Variants in CDIN1 observed in about 807,000 individuals in gnomAD.
The protein encoded by CDIN1 is CDAN1-interacting nuclease 1.
A neutral mutation model predicts 45.3 loss-of-function variants in CDIN1; 33 were observed. That is an observed-to-expected ratio of 0.73 (90% CI 0.55 to 0.97). The LOEUF (loss-of-function observed/expected upper bound fraction) is 0.97. Among genes scored for constraint, CDIN1 ranks in the 50% least tolerant of loss-of-function variants. CDIN1 has a pLI of 0.00. For synonymous variants in CDIN1, 118 were observed against 124.4 expected (o/e 0.95, Z 0.34); for missense variants, 303 against 339.4 (o/e 0.89, Z 0.84).
chr15:36,755,650 C>CTATTTTCTCTATTT (rs1265716689), intron 10 of CDIN1, among the ~76,000 whole-genome samples: 1 of 150,782 alleles, frequency 6.6e-6, no homozygotes, highest in Non-Finnish European at 1.5e-5. Flanking sequence ...ATTAGGGAGA[C>CTATTTTCTCTATTT]CTGTCCTATT....
intron 10 of CDIN1, among the ~76,000 whole-genome samples, chr15:36,776,425 G>C (rs961441000): frequency 6.6e-6 from 1 of 151,834 alleles, no homozygotes; most frequent in Non-Finnish European, 1.5e-5. Flanking sequence ...ATCAGGTGGA[G>C]AGAACACTCC....
rs537696995 is a variant in CDIN1, at chr15:36,744,611, A to AT, written c.716+34658dup. ...AATAAACAAGGAAATGAATGAATACATTTTTTTTCAAATCATGATAACATG... is the reference window on the plus strand; with the variant it reads ...AATAAACAAGGAAATGAATGAATACATTTTTTTTTCAAATCATGATAACATG... On this transcript the variant is annotated intron_variant, in intron 10 of 10. Coordinates refer to ENST00000566621, the MANE Select transcript of CDIN1 (RefSeq NM_001321759.2). 5.9e-5 allele frequency among the ~76,000 whole-genome samples: 9 copies of AT among 152,084 alleles called. No individual in the cohort carries two copies. In the South Asian group the frequency reaches 1.5e-3, roughly 25 times the overall value.
chr15:36,618,941 A>G (rs2039025851), intron 1 of CDIN1: 3 of 1,549,908 alleles, frequency 1.9e-6, no homozygotes, highest in Non-Finnish European at 2.6e-6. Context: ...GAACCCTGAA[A>G]GTTAAGTTAT....
At chr15:36,628,411 G>C (rs2039540760) in intron 1 of CDIN1, among the ~76,000 whole-genome samples, 1 of 152,048 alleles carries the variant, frequency 6.6e-6, no homozygotes, top group Admixed American at 6.5e-5. Flanking sequence ...TCCTTTATAT[G>C]GATGTATCAC....
intron 2 of CDIN1, 35 bp downstream of exon 2, chr15:36,644,358 T>C (rs1226144360): frequency 1.3e-6 from 2 of 1,590,754 alleles, no homozygotes; most frequent in Admixed American, 3.5e-5. Context: ...GGTTGACAGG[T>C]GCCTAATTGA....
chr15:36,667,318 G>A (rs2041284805), intron 5 of CDIN1, among the ~76,000 whole-genome samples: 1 of 152,160 alleles, frequency 6.6e-6, no homozygotes, highest in Non-Finnish European at 1.5e-5. Flanking sequence ...AGCACTATAT[G>A]TCTTTGTAAA....
At chr15:36,805,944 T>C (rs1336686150) in intron 10 of CDIN1, among the ~76,000 whole-genome samples, 1 of 152,222 alleles carries the variant, frequency 6.6e-6, no homozygotes, top group Non-Finnish European at 1.5e-5. Context: ...ACATTGTGTT[T>C]CCTCATTCTT....
rs575077291 is a variant in CDIN1 at position 36,625,267 on chromosome 15, C to T, written c.102-19011C>T. ...CTGCACTCCAGCCTGGACGACAGAG[C>T]GAGACCCTGTCTCAAAAAAAAAAAA... On this transcript the variant is annotated intron_variant, in intron 1 of 10. Coordinates refer to ENST00000566621, the MANE Select transcript of CDIN1 (RefSeq NM_001321759.2). 5.9e-3 allele frequency among the ~76,000 whole-genome samples: 882 copies of T among 149,760 alleles called. 5 individuals are homozygous for T. Among genetic ancestry groups the T allele is most frequent in the Non-Finnish European group, 9.4e-3 (636 of 67,644 alleles).
chr15:36,751,569 T>C (rs2053472286), intron 10 of CDIN1, among the ~76,000 whole-genome samples: 1 of 151,924 alleles, frequency 6.6e-6, no homozygotes, highest in Non-Finnish European at 1.5e-5. Context: ...GCAACCATTG[T>C]GGAAGACAGT....
chr15:36,600,559 T>C (rs1190782027), intron 1 of CDIN1, among the ~76,000 whole-genome samples: 1 of 152,250 alleles, frequency 6.6e-6, no homozygotes, highest in Non-Finnish European at 1.5e-5. Flanking sequence ...TTGTGGCATG[T>C]GTCATTGATA....
chr15:36,617,028 C>T (rs760181090), intron 1 of CDIN1: 71 of 735,680 alleles, frequency 9.7e-5, no homozygotes, highest in Admixed American at 3.0e-4. Context: ...TGTTGGGGCA[C>T]GGGCCTGTGA....
intron 1 of CDIN1, chr15:36,619,163 GA>G: frequency 1.7e-6 from 2 of 1,203,244 alleles, no homozygotes; most frequent in Admixed American, 2.0e-5. Flanking sequence ...GGAGCAGCTG[GA>G]AAAATCAGGG....
At chr15:36,776,488 G>A (rs1328010850) in intron 10 of CDIN1, among the ~76,000 whole-genome samples, 1 of 152,002 alleles carries the variant, frequency 6.6e-6, no homozygotes, top group Non-Finnish European at 1.5e-5. Context: ...CAGAATCCTT[G>A]TTCTATGCCA....
At chr15:36,641,116 C>T (rs1480559702) in intron 1 of CDIN1, 1 of 152,190 alleles carries the variant, frequency 6.6e-6, no homozygotes, top group East Asian at 1.9e-4. Flanking sequence ...CCATCTTGTA[C>T]ATGTGCCACC....
At chr15:36,670,045 G>A (rs2041390424) in intron 5 of CDIN1, among the ~76,000 whole-genome samples, 1 of 151,998 alleles carries the variant, frequency 6.6e-6, no homozygotes, top group South Asian at 2.1e-4. Context: ...GAGGAGTGTG[G>A]AGAGATATTA....
intron 10 of CDIN1, among the ~76,000 whole-genome samples, chr15:36,760,179 TGGGTATTTAGGA>T: frequency 6.6e-6 from 1 of 152,184 alleles, no homozygotes; most frequent in Non-Finnish European, 1.5e-5. Context: ...TCACCTGTAA[TGGGTATTTAGGA>T]GGTCAACATA....
chr15:36,696,099 C>T (rs116359502), intron 7 of CDIN1, among the ~76,000 whole-genome samples: 2,998 of 152,148 alleles, frequency 0.02, 103 homozygotes, highest in African/African-American at 0.069. Context: ...TTCTAGGCCT[C>T]GGTTTTCTCA....
chr15:36,665,234 G>A (rs2041203019), intron 5 of CDIN1, among the ~76,000 whole-genome samples: 1 of 152,156 alleles, frequency 6.6e-6, no homozygotes, highest in African/African-American at 2.4e-5. Flanking sequence ...CATGCATTGT[G>A]TGATAAATAT....
At chr15:36,710,582 TG>T (rs1388783295) in intron 10 of CDIN1, among the ~76,000 whole-genome samples, 1 of 152,178 alleles carries the variant, frequency 6.6e-6, no homozygotes, top group African/African-American at 2.4e-5. Context: ...CTAGTTATCA[TG>T]GGGCTGCATT....
Sources: gnomAD v4.1 joint callset for allele counts (sites outside exome capture counted in the v4.1 genomes callset) on GRCh38, gnomAD v4.1.1 for gene constraint, MANE v1.5 for transcripts, NCBI Gene and HGNC (gene_info 2026-07-23, HGNC 2026-07-21) for gene names.